The following ADGRE2 variants were observed in gnomAD, a reference collection of about 807,000 sequenced individuals.
ADGRE2 encodes CD97 antigen.
A neutral mutation model predicts 100.8 loss-of-function variants in ADGRE2; 83 were observed. The ratio of observed to expected loss-of-function variants is 0.82; its 90% CI spans 0.69 to 0.99. ADGRE2 has a LOEUF of 0.99. ADGRE2 is among the 50% of genes least tolerant of loss of function. The pLI is 0.00. For synonymous variants in ADGRE2, 355 were observed against 413.0 expected (o/e 0.86, Z 1.70); for missense variants, 814 against 1,035.7 (o/e 0.79, Z 2.94).
intron 2 of ADGRE2, among the ~76,000 whole-genome samples, chr19:14,775,860 G>GACAAA (rs751423687): frequency 9.3e-6 from 1 of 107,914 alleles, no homozygotes; most frequent in Non-Finnish European, 1.8e-5. Flanking sequence ...CTCCGCCTCA[G>GACAAA]AAAAAAAAAA....
Position 14,772,463 on chromosome 19 carries a change from T to A in ADGRE2, c.234A>T (p.Ser78=), listed in dbSNP as rs2044245763. The part of the protein sequence containing the change: ...INECATLSKV[S]CGKFSDCWNT... ...TCCAGCAGTCCGAGAATTTTCCGCA[T>A]GACACTTTCGACAGTGTTGCACACT... Residue 78 remains serine (S), a synonymous_variant, in exon 5 of 21, where the codon TCA becomes TCT. Transcript: ENST00000315576. The A allele has an allele frequency of 6.2e-7, 1 of 1,613,916 alleles. No individual in the cohort carries two copies. The highest frequency in any genetic ancestry group is 1.3e-5 in the African/African-American group (1 of 74,860).
intron 13 of ADGRE2, 58 bp from the exon 14 acceptor site, chr19:14,755,185 G>T: frequency 6.4e-7 from 1 of 1,558,418 alleles, no homozygotes; most frequent in Non-Finnish European, 8.8e-7. Flanking sequence ...TGTAATCCCA[G>T]CACTTTGGGA....
rs202019834 is a variant in ADGRE2, at chr19:14,765,595, C to T, written c.782-25G>A. The T allele has an allele frequency of 2.6e-4, 420 of 1,614,054 alleles. No individual in the cohort carries two copies. In the African/African-American group the frequency reaches 3.8e-3, roughly 14 times the overall value. ...TCTGTAGGGAACAAGACAAGCGGCT[C>T]ATTAGGCGGGAGCGTGTCAGTGTGT... On this transcript the variant is annotated intron_variant, in intron 8 of 20. Coordinates refer to ENST00000315576, the MANE Select transcript of ADGRE2 (RefSeq NM_013447.4).
At chr19:14,762,271 T>C (rs573096739) in intron 11 of ADGRE2, among the ~76,000 whole-genome samples, 57 of 149,236 alleles carry the variant, frequency 3.8e-4, no homozygotes, top group Non-Finnish European at 5.3e-4. Flanking sequence ...AAAAAAAAAG[T>C]GATGTATTCA....
At chr19:14,731,629 A>G (rs2042672387), downstream of ADGRE2, 1 of 157,090 alleles carries the variant, frequency 6.4e-6, no homozygotes. Flanking sequence ...AATCCAGCTG[A>G]GAAGCCAAAC....
intron 15 of ADGRE2, 109 bp downstream of exon 15, chr19:14,752,220 A>G (rs930249514): frequency 7.2e-7 from 1 of 1,389,318 alleles, no homozygotes; most frequent in African/African-American, 1.4e-5. Context: ...GGCATGAGCC[A>G]CCACGCCCAG....
At chr19:14,751,816 G>A in intron 15 of ADGRE2, 145 bp from the exon 16 acceptor site, 1 of 628,462 alleles carries the variant, frequency 1.6e-6, no homozygotes, top group African/African-American at 1.8e-5. Flanking sequence ...GTCAGGCAAT[G>A]GGAAATTGGT....
At position 14,754,962 on chromosome 19, in the gene ADGRE2, C is replaced by A; in HGVS notation, c.1582G>T (p.Asp528Tyr). ...SSFAVLMAHY[D>Y]VQEEDPVLTV... The stretch of plus-strand genomic sequence containing the variant: ...CCTCCTAAGGGTCTCACCTGCACAT[C>A]GTAGTGGGCCATGAGGACGGCAAAG... Residue 528 changes from aspartate (D) to tyrosine (Y), a missense_variant, in exon 14 of 21, where the codon GAT (aspartate) becomes TAT (tyrosine). Around this residue, in one of 5 missense-constraint regions of ADGRE2, gnomAD observed 569 missense variants for 692.7 expected, o/e 0.82. Transcript: ENST00000315576. 6.2e-7 allele frequency: 1 copy of A among 1,613,864 alleles called. No homozygotes were observed. The highest frequency in any genetic ancestry group is 8.5e-7 in the Non-Finnish European group (1 of 1,180,004).
intron 5 of ADGRE2, among the ~76,000 whole-genome samples, chr19:14,767,314 C>T (rs1016801367): frequency 1.8e-4 from 28 of 151,528 alleles, no homozygotes; most frequent in African/African-American, 6.6e-4. Context: ...TCTCAACTCA[C>T]TGCAACCTCC....
At chr19:14,743,149 G>A (rs1025073600) in intron 20 of ADGRE2, among the ~76,000 whole-genome samples, 3 of 151,834 alleles carry the variant, frequency 2.0e-5, no homozygotes, top group Admixed American at 2.0e-4. Context: ...ATGTTGCCCA[G>A]GGTCATCTTG....
At chr19:14,775,978 C>T (rs2044423171) in intron 2 of ADGRE2, among the ~76,000 whole-genome samples, 2 of 152,112 alleles carry the variant, frequency 1.3e-5, no homozygotes, top group South Asian at 2.1e-4. Flanking sequence ...GCCCTGGCGG[C>T]CCATCCTGAA....
chr19:14,747,459 TA>T (rs2043128388), intron 16 of ADGRE2, among the ~76,000 whole-genome samples: 1 of 152,112 alleles, frequency 6.6e-6, no homozygotes, highest in South Asian at 2.1e-4. Context: ...GTGATTGCAC[TA>T]CTGCACTCCA....
chr19:14,729,245 G>T (rs1048979549), downstream of ADGRE2, among the ~76,000 whole-genome samples: 1 of 152,170 alleles, frequency 6.6e-6, no homozygotes, highest in African/African-American at 2.4e-5. Flanking sequence ...TTATTGGCCA[G>T]ATAATTCTTT....
chr19:14,746,354 A>C (rs2043087388), intron 17 of ADGRE2, 31 bp from the exon 18 acceptor site: 1 of 1,208,072 alleles, frequency 8.3e-7, no homozygotes, highest in Non-Finnish European at 1.2e-6. Context: ...TTTGTTGAAT[A>C]GATTTTGAAA....
At chr19:14,777,000 A>ACACACC in intron 1 of ADGRE2, 73 bp from the exon 2 acceptor site, 1 of 1,368,360 alleles carries the variant, frequency 7.3e-7, no homozygotes, top group African/African-American at 1.5e-5. Context: ...ACACACACAC[A>ACACACC]CACACACACA....
Position 14,765,649 on chromosome 19 carries a change from A to G in ADGRE2, c.781+9T>C, listed in dbSNP as rs1275783643. On this transcript the variant is annotated intron_variant, in intron 8 of 20. Coordinates refer to ENST00000315576, the MANE Select transcript of ADGRE2 (RefSeq NM_013447.4). Reference sequence around the variant, plus strand: ...CTGGGGGTGGGGAGCTTCTAGGGCCAGGTCATACCTTCACAGACAGTGTCC... The same window carrying G: ...CTGGGGGTGGGGAGCTTCTAGGGCCGGGTCATACCTTCACAGACAGTGTCC... The G allele has an allele frequency of 6.2e-7, 1 of 1,614,162 alleles. No individual in the cohort carries two copies. Among genetic ancestry groups the G allele is most frequent in the South Asian group, 1.1e-5 (1 of 91,078 alleles).
chr19:14,751,934 T>A (rs1277650495), intron 15 of ADGRE2, among the ~76,000 whole-genome samples: 730 of 52,274 alleles, frequency 0.014, no homozygotes, highest in African/African-American at 0.034. Flanking sequence ...TATATATATT[T>A]TTTTTTTTTT....
At chr19:14,729,887 A>G (rs1480572676), downstream of ADGRE2, among the ~76,000 whole-genome samples, 1 of 152,120 alleles carries the variant, frequency 6.6e-6, no homozygotes, top group African/African-American at 2.4e-5. Context: ...AATACATCCA[A>G]TTTTATCTGT....
intron 7 of ADGRE2, 79 bp from the exon 8 acceptor site, chr19:14,765,883 T>C (rs986010776): frequency 2.0e-5 from 32 of 1,611,746 alleles, no homozygotes; most frequent in Non-Finnish European, 2.6e-5. Flanking sequence ...CCCAGCTCGT[T>C]CCTCCCGGCA....
Sources: allele counts gnomAD v4.1 joint callset (sites outside exome capture counted in the v4.1 genomes callset), GRCh38; gene constraint gnomAD v4.1.1; regional missense constraint gnomAD v4.1.1; transcripts MANE v1.5; gene names NCBI Gene and HGNC (gene_info 2026-07-23, HGNC 2026-07-21).